PHF21A: variants seen among roughly 807,000 people sequenced by gnomAD.
PHF21A encodes the protein BHC80a.
PHF21A carries 11 observed loss-of-function variants against 82.5 expected under a neutral mutation model. The observed-to-expected ratio is 0.13, with a 90% CI of 0.08 to 0.22. The LOEUF (loss-of-function observed/expected upper bound fraction) is 0.22. Ranked by LOEUF, PHF21A falls within the 10% of genes least tolerant of loss-of-function variation. The probability of loss-of-function intolerance (pLI) is 1.00; values close to 1 mark genes in which losing one functional copy is unlikely to be tolerated. For synonymous variants in PHF21A, 297 were observed against 302.8 expected (o/e 0.98, Z 0.20); for missense variants, 579 against 837.8 (o/e 0.69, Z 3.81).
rs2087693572 is a variant in PHF21A, at chr11:45,932,048, G to T, written c.*1920C>A. ...GGGAGCTTCAGACCTCTCCCCAAAG[G>T]CAAGACAGAGCGAAGGCCACGCTGG... On this transcript the variant is annotated 3_prime_UTR_variant, in exon 19 of 19. Transcript: ENST00000676320. This position sits in a 1 kb window ranked among gnomAD's most constrained non-coding sequence, Gnocchi z 4.3. 1 of 152,228 alleles carries T rather than the reference G, an allele frequency of 6.6e-6. No homozygotes were observed. Among genetic ancestry groups the T allele is most frequent in the Admixed American group, 6.5e-5 (1 of 15,278 alleles). 9.4% of individuals were successfully genotyped at this position (152,228 alleles called of 1,614,324 possible).
chr11:45,948,171 G>C (rs2091567696), intron 14 of PHF21A, among the ~76,000 whole-genome samples: 1 of 152,200 alleles, frequency 6.6e-6, no homozygotes, highest in African/African-American at 2.4e-5. Flanking sequence ...AAAAATTTCA[G>C]TACCTTGTTT....
At chr11:46,028,571 C>CTTT (rs869035139) in intron 6 of PHF21A, among the ~76,000 whole-genome samples, 8 of 106,310 alleles carry the variant, frequency 7.5e-5, no homozygotes, top group African/African-American at 2.2e-4. Flanking sequence ...AAAAGCTTGC[C>CTTT]TTTTTTTTTT....
At chr11:46,013,277 A>C (rs190279949) in intron 6 of PHF21A, among the ~76,000 whole-genome samples, 67 of 152,294 alleles carry the variant, frequency 4.4e-4, no homozygotes, top group African/African-American at 1.6e-3. Context: ...TTTAAACTGC[A>C]CGCTTAGAGT....
chr11:45,969,975 C>T, intron 8 of PHF21A, 71 bp from the exon 9 acceptor site: 1 of 966,766 alleles, frequency 1.0e-6, no homozygotes. Context: ...GTATTTTTAG[C>T]ATCACTATTC....
intron 6 of PHF21A, among the ~76,000 whole-genome samples, chr11:46,044,042 T>C (rs1240949661): frequency 6.6e-6 from 1 of 152,158 alleles, no homozygotes; most frequent in Non-Finnish European, 1.5e-5. Context: ...TTTACCTTCA[T>C]AGAGTAACAA....
chr11:46,090,930 T>C (rs2096917174), intron 2 of PHF21A, among the ~76,000 whole-genome samples: 1 of 152,182 alleles, frequency 6.6e-6, no homozygotes. Flanking sequence ...AAAAAAAATT[T>C]GCAACCTCTG....
chr11:46,030,867 GTGTT>G (rs2138296389), intron 6 of PHF21A, among the ~76,000 whole-genome samples: 2 of 142,958 alleles, frequency 1.4e-5, no homozygotes, highest in South Asian at 4.5e-4. Flanking sequence ...GTGTGTGTGT[GTGTT>G]TCCAGTAGCA....
At chr11:46,113,696 C>T (rs1273699584) in intron 1 of PHF21A, among the ~76,000 whole-genome samples, 1 of 151,928 alleles carries the variant, frequency 6.6e-6, no homozygotes, top group African/African-American at 2.4e-5. Flanking sequence ...CGTGGTGGCG[C>T]ACGCCTGTAG....
intron 1 of PHF21A, among the ~76,000 whole-genome samples, chr11:46,114,810 A>G (rs1355262046): frequency 2.6e-5 from 4 of 152,178 alleles, no homozygotes; most frequent in Admixed American, 2.0e-4. Context: ...AAAAAAATCA[A>G]TTCCTTTCTG....
At chr11:45,952,592 A>C (rs1484764926) in intron 11 of PHF21A, among the ~76,000 whole-genome samples, 5 of 152,192 alleles carry the variant, frequency 3.3e-5, no homozygotes. Context: ...TTTTTGGCTT[A>C]AGTTTTGGTC....
chr11:46,036,863 T>C (rs902097665), intron 6 of PHF21A, among the ~76,000 whole-genome samples: 4 of 152,214 alleles, frequency 2.6e-5, no homozygotes, highest in Admixed American at 2.0e-4. Flanking sequence ...TTAAATAGCA[T>C]TTTTTATGTT....
At position 45,945,944 on chromosome 11, in the gene PHF21A, G is replaced by C. The variant is rs747596415; in HGVS notation, c.1348C>G (p.Gln450Glu). The C allele has an allele frequency of 1.2e-6, 2 of 1,613,382 alleles. No homozygotes were observed. Among genetic ancestry groups the C allele is most frequent in the East Asian group, 2.2e-5 (1 of 44,874 alleles). Residue 450 changes from glutamine (Q) to glutamate (E), a missense_variant, in exon 15 of 19, where the codon CAA (glutamine) becomes GAA (glutamate). Physicochemically the swap from Gln to Glu is conservative, Grantham distance 29. This residue lies in a region of PHF21A where 410 missense variants were observed against 642.1 expected (regional missense o/e 0.64). Coordinates refer to ENST00000676320, the MANE Select transcript of PHF21A (RefSeq NM_001352027.3). ...TCAGGGGAGTCAGGATGACTGGATTGGGGGGATGTTGGGGTAAGGGCTCCA... is the reference window on the plus strand; with the variant it reads ...TCAGGGGAGTCAGGATGACTGGATTCGGGGGATGTTGGGGTAAGGGCTCCA... ...GFGALTPTSP[Q>E]SSHPDSPENE...
At chr11:46,044,040 CAT>C (rs1189082043) in intron 6 of PHF21A, among the ~76,000 whole-genome samples, 1 of 152,128 alleles carries the variant, frequency 6.6e-6, no homozygotes, top group East Asian at 1.9e-4. Context: ...TTTTTACCTT[CAT>C]AGAGTAACAA....
intron 11 of PHF21A, among the ~76,000 whole-genome samples, chr11:45,950,990 C>A (rs2092034109): frequency 6.6e-6 from 1 of 152,200 alleles, no homozygotes; most frequent in African/African-American, 2.4e-5. Flanking sequence ...GGAGCAATTT[C>A]TCTCTGAAGA....
At chr11:45,958,353 A>C (rs1382865984) in intron 10 of PHF21A, among the ~76,000 whole-genome samples, 60 of 132,620 alleles carry the variant, frequency 4.5e-4, no homozygotes, top group Admixed American at 8.8e-4. Flanking sequence ...GCTTGAGCTC[A>C]GGGGTTCAAG....
chr11:46,039,841 G>A (rs973763186), intron 6 of PHF21A, among the ~76,000 whole-genome samples: 8 of 152,124 alleles, frequency 5.3e-5, no homozygotes, highest in Admixed American at 3.9e-4. Context: ...ATTTCCCTAA[G>A]ATTAAAAATA....
chr11:46,017,009 C>T (rs534068853), intron 6 of PHF21A, among the ~76,000 whole-genome samples: 3 of 151,634 alleles, frequency 2.0e-5, no homozygotes, highest in Non-Finnish European at 4.4e-5. Context: ...CTCACTCTGT[C>T]ACCCAGGCTG....
At chr11:46,017,129 C>A (rs545655370) in intron 6 of PHF21A, among the ~76,000 whole-genome samples, 1 of 152,230 alleles carries the variant, frequency 6.6e-6, no homozygotes, top group East Asian at 1.9e-4. Flanking sequence ...TGCCACCACA[C>A]CCAGCTAATT....
intron 11 of PHF21A, among the ~76,000 whole-genome samples, chr11:45,951,952 A>G (rs2092179978): frequency 6.6e-6 from 1 of 151,924 alleles, no homozygotes; most frequent in African/African-American, 2.4e-5. Flanking sequence ...GACTATAGGC[A>G]CGCGCCACTG....
Sources: gnomAD v4.1 joint callset for allele counts (sites outside exome capture counted in the v4.1 genomes callset) on GRCh38, gnomAD v4.1.1 for gene constraint, gnomAD v4.1.1 regional missense constraint, Gnocchi (gnomAD v3.1) non-coding constraint, MANE v1.5 for transcripts, NCBI Gene and HGNC (gene_info 2026-07-23, HGNC 2026-07-21) for gene names.